Variants in KIF3B observed in about 807,000 individuals in gnomAD.
KIF3B encodes the protein kinesin-like protein KIF3B.
Under a neutral mutation model 74.3 loss-of-function variants are expected in KIF3B, and 38 were observed. The observed-to-expected ratio is 0.51, with a 90% CI of 0.39 to 0.67. KIF3B has a LOEUF of 0.67. Among genes scored for constraint, KIF3B ranks in the 30% least tolerant of loss-of-function variants. The pLI is 0.00. For synonymous variants in KIF3B, 326 were observed against 342.5 expected, an observed-to-expected ratio of 0.95 and a Z score of 0.53; for missense variants, 649 against 932.0, an observed-to-expected ratio of 0.70 and a Z score of 3.95.
At chr20:32,325,655 CTTTTTTTTTT>C (rs1164604181) in intron 5 of KIF3B, among the ~76,000 whole-genome samples, 64 of 51,100 alleles carry the variant, frequency 1.3e-3, no homozygotes, top group African/African-American at 3.1e-3. Flanking sequence ...CTCTCTCTCT[CTTTTTTTTTT>C]TTTTTTTTTT....
chr20:32,302,320 A>G (rs574401643), intron 1 of KIF3B, among the ~76,000 whole-genome samples: 7 of 152,200 alleles, frequency 4.6e-5, no homozygotes, highest in Non-Finnish European at 1.0e-4. Flanking sequence ...CAGAAAAGAA[A>G]TGGTGTTCTG....
At chr20:32,300,382 A>G (rs1298896240) in intron 1 of KIF3B, among the ~76,000 whole-genome samples, 1 of 151,880 alleles carries the variant, frequency 6.6e-6, no homozygotes, top group Non-Finnish European at 1.5e-5. Context: ...GGTTCACACC[A>G]TTCTCCTGCC....
Position 32,327,578 on chromosome 20 carries a change from C to G in KIF3B, c.1885C>G (p.Pro629Ala), listed in dbSNP as rs760268146. The G allele has an allele frequency of 1.9e-6, 3 of 1,613,330 alleles. No individual in the cohort carries two copies. The highest frequency in any genetic ancestry group is 1.7e-6 in the Non-Finnish European group (2 of 1,179,616). ...RLENQQMMKR[P>A]VSAVGYKRPL... Reference sequence around the variant, plus strand: ...CAGGAACCAGCAGATGATGAAGCGGCCAGTCTCAGCCGTGGGATATAAGAG... The same window carrying G: ...CAGGAACCAGCAGATGATGAAGCGGGCAGTCTCAGCCGTGGGATATAAGAG... Residue 629 changes from proline (P) to alanine (A), a missense_variant, in exon 7 of 9, where the codon CCA (proline) becomes GCA (alanine). Around this residue, in one of 4 missense-constraint regions of KIF3B, gnomAD observed 186 missense variants for 198.5 expected, o/e 0.94. Transcript: ENST00000375712.
intron 1 of KIF3B, among the ~76,000 whole-genome samples, chr20:32,290,382 A>AAAAC (rs1294356878): frequency 2.0e-5 from 3 of 152,006 alleles, no homozygotes; most frequent in Non-Finnish European, 4.4e-5. Context: ...CTCCATCTCA[A>AAAAC]AAACAAACAA....
intron 1 of KIF3B, among the ~76,000 whole-genome samples, chr20:32,294,710 A>G (rs928439911): frequency 1.3e-5 from 2 of 152,238 alleles, no homozygotes; most frequent in Admixed American, 6.5e-5. Context: ...TTTTATAGCT[A>G]GTAAATGGCA....
Position 32,277,720 on chromosome 20 carries a change from C to A in KIF3B, c.-111C>A. ...GGTTCGCCGCCCCCGCCGCCGCCGC[C>A]GCCGCCGCCGCCGCCGCCGCCGCCC... On this transcript the variant is annotated 5_prime_UTR_variant, in exon 1 of 9. Transcript: ENST00000375712. 1 of 265,444 alleles carries A rather than the reference C, an allele frequency of 3.8e-6. No individual in the cohort carries two copies. Among genetic ancestry groups the A allele is most frequent in the Non-Finnish European group, 6.8e-6 (1 of 146,390 alleles). 16.4% of individuals were successfully genotyped at this position (265,444 alleles called of 1,614,324 possible).
chr20:32,303,951 T>C (rs975651), intron 1 of KIF3B, among the ~76,000 whole-genome samples: 152,251 of 152,254 alleles, frequency 1, 76,124 homozygotes, highest in Middle Eastern at 1. Flanking sequence ...GGAATGACCC[T>C]CTGACAAGGG....
intron 2 of KIF3B, among the ~76,000 whole-genome samples, chr20:32,315,338 T>C (rs1006863509): frequency 6.6e-6 from 1 of 152,150 alleles, no homozygotes; most frequent in Non-Finnish European, 1.5e-5. Context: ...TCTTACCTAA[T>C]TCCTATTTTT....
intron 5 of KIF3B, among the ~76,000 whole-genome samples, chr20:32,319,495 A>C (rs1055630673): frequency 1.4e-5 from 2 of 142,318 alleles, no homozygotes; most frequent in Admixed American, 7.2e-5. Context: ...ATATGTATAT[A>C]TTTCGTATAT....
intron 1 of KIF3B, among the ~76,000 whole-genome samples, chr20:32,295,045 A>G (rs893049648): frequency 1.3e-5 from 2 of 152,208 alleles, no homozygotes; most frequent in African/African-American, 4.8e-5. Context: ...CAAATTGTGT[A>G]TTACATTGTT....
intron 1 of KIF3B, among the ~76,000 whole-genome samples, chr20:32,307,728 G>A (rs1370689151): frequency 3.3e-5 from 5 of 151,860 alleles, no homozygotes; most frequent in African/African-American, 1.2e-4. Flanking sequence ...TCAGAAGATC[G>A]AGACCACAGT....
At chr20:32,312,615 T>C (rs1372185975) in intron 2 of KIF3B, among the ~76,000 whole-genome samples, 1 of 152,228 alleles carries the variant, frequency 6.6e-6, no homozygotes, top group African/African-American at 2.4e-5. Context: ...TTTTGCAACA[T>C]TACGTTCATG....
At chr20:32,325,456 C>T (rs1195178269) in intron 5 of KIF3B, among the ~76,000 whole-genome samples, 4 of 151,728 alleles carry the variant, frequency 2.6e-5, no homozygotes, top group African/African-American at 7.3e-5. Context: ...TCCCGAAGCA[C>T]TGAGATTACA....
intron 1 of KIF3B, among the ~76,000 whole-genome samples, chr20:32,291,708 C>T (rs1270797337): frequency 2.6e-5 from 4 of 151,260 alleles, no homozygotes; most frequent in Admixed American, 2.0e-4. Context: ...CTCTGCCTCC[C>T]GGGTTCAAGC....
chr20:32,294,905 A>G (rs1325439744), intron 1 of KIF3B, among the ~76,000 whole-genome samples: 1 of 152,130 alleles, frequency 6.6e-6, no homozygotes, highest in East Asian at 1.9e-4. Context: ...TATTGCCCAT[A>G]TCTAAATACC....
chr20:32,307,168 A>T (rs889923676), intron 1 of KIF3B, among the ~76,000 whole-genome samples: 4 of 152,096 alleles, frequency 2.6e-5, no homozygotes, highest in African/African-American at 9.7e-5. Flanking sequence ...CATTATGGAC[A>T]TCTCCTACCA....
intron 2 of KIF3B, among the ~76,000 whole-genome samples, chr20:32,315,047 T>C (rs983166841): frequency 6.6e-6 from 1 of 152,178 alleles, no homozygotes; most frequent in Admixed American, 6.5e-5. Context: ...CTTGGACTCA[T>C]CTACTCTGCC....
chr20:32,308,785 C>A (rs2047785270), intron 1 of KIF3B, among the ~76,000 whole-genome samples: 1 of 148,620 alleles, frequency 6.7e-6, no homozygotes, highest in Non-Finnish European at 1.5e-5. Flanking sequence ...GAGCGCAGTG[C>A]CAGGATCTCG....
At chr20:32,325,685 T>TTTG (rs2047900330) in intron 5 of KIF3B, among the ~76,000 whole-genome samples, 1 of 113,208 alleles carries the variant, frequency 8.8e-6, no homozygotes, top group South Asian at 2.5e-4. Flanking sequence ...TTTTTTTTTT[T>TTTG]GAGACAGAGT....
Sources: gnomAD v4.1 joint callset for allele counts (sites outside exome capture counted in the v4.1 genomes callset) on GRCh38, gnomAD v4.1.1 for gene constraint, gnomAD v4.1.1 regional missense constraint, MANE v1.5 for transcripts, NCBI Gene and HGNC (gene_info 2026-07-23, HGNC 2026-07-21) for gene names.